The following KLHL15 variants were observed in gnomAD, a reference collection of about 807,000 sequenced individuals.
KLHL15 encodes kelch-like protein 15.
In KLHL15, 1 loss-of-function variant was observed where a neutral mutation model predicts 29.3. That is an observed-to-expected ratio of 0.03 (90% CI 0.01 to 0.16). The LOEUF (loss-of-function observed/expected upper bound fraction) is 0.16. Ranked by LOEUF, KLHL15 falls within the 10% of genes least tolerant of loss-of-function variation. KLHL15 has a pLI of 1.00. For missense variants in KLHL15, 215 were observed against 478.5 expected, an observed-to-expected ratio of 0.45 and a Z score of 5.14; for synonymous variants, 212 against 184.5, an observed-to-expected ratio of 1.15 and a Z score of -1.21.
At chrX:23,999,771 T>C (rs762365160) in intron 3 of KLHL15, among the ~76,000 whole-genome samples, 1 of 111,205 alleles carries the variant, frequency 9.0e-6, no homozygotes, top group African/African-American at 3.3e-5. Context: ...GAACCTGGAG[T>C]GAATGCGAGT....
chrX:24,024,834 G>T (rs1929887436), intron 2 of KLHL15, 23 bp downstream of exon 2: 1 of 296,366 alleles, frequency 3.4e-6, no homozygotes, highest in South Asian at 2.0e-4. Context: ...TCCGCAGGCC[G>T]GCGGCCAGGG....
chrX:24,004,268 A>G (rs1199773509), intron 3 of KLHL15, among the ~76,000 whole-genome samples: 1 of 111,186 alleles, frequency 9.0e-6, no homozygotes, highest in Non-Finnish European at 1.9e-5. Flanking sequence ...AGGCATGAGA[A>G]TTGCTGGAAC....
At chrX:24,021,479 A>C (rs1929802352) in intron 2 of KLHL15, among the ~76,000 whole-genome samples, 1 of 112,077 alleles carries the variant, frequency 8.9e-6, no homozygotes, top group African/African-American at 3.2e-5. Flanking sequence ...ATTAAATGGC[A>C]ATACAGGCTA....
intron 2 of KLHL15, among the ~76,000 whole-genome samples, chrX:24,022,060 C>G (rs187148555): frequency 6.3e-5 from 7 of 110,857 alleles, no homozygotes; most frequent in Non-Finnish European, 1.3e-4. Context: ...GGGCGATGGC[C>G]GGGCGCGGTG....
At chrX:24,026,880 C>T (rs540244848) in intron 1 of KLHL15, among the ~76,000 whole-genome samples, 3 of 112,191 alleles carry the variant, frequency 2.7e-5, no homozygotes, top group African/African-American at 9.7e-5. Context: ...TTTCCAATAG[C>T]TCCTTTAAGA....
At chrX:24,001,381 C>CATA (rs1385608029) in intron 3 of KLHL15, among the ~76,000 whole-genome samples, 5 of 111,575 alleles carry the variant, frequency 4.5e-5, no homozygotes, top group Non-Finnish European at 7.5e-5. Context: ...TTACCTTATG[C>CATA]ATATTTATAA....
intron 3 of KLHL15, among the ~76,000 whole-genome samples, chrX:23,997,996 C>G (rs1929229358): frequency 9.0e-6 from 1 of 110,641 alleles, no homozygotes; most frequent in Non-Finnish European, 1.9e-5. Flanking sequence ...GAGTCTCACT[C>G]TGTCACCCAG....
Position 23,988,081 on chromosome X carries a change from T to A in KLHL15, c.1655A>T (p.Tyr552Phe). The change falls in exon 4 of 4, where the codon TAT (tyrosine) becomes TTT (phenylalanine). Residue 552 changes from tyrosine (Y) to phenylalanine (F), a missense_variant. Tyr to Phe is a conservative substitution (Grantham distance 22). Transcript: ENST00000328046. ...GATGGAATCGCTGTAATGACCATTA[T>A]AACAAAGGCCTCCAAGAACCATTAT... ...KQIMVLGGLCYNGHYSDSILT... is the reference protein window; with the variant it reads ...KQIMVLGGLCFNGHYSDSILT... 1 of 1,211,625 alleles carries A rather than the reference T, an allele frequency of 8.3e-7. No individual in the cohort carries two copies. Among genetic ancestry groups the A allele is most frequent in the Non-Finnish European group, 1.1e-6 (1 of 895,355 alleles).
intron 2 of KLHL15, among the ~76,000 whole-genome samples, chrX:24,011,684 TC>T (rs1420891229): frequency 9.1e-6 from 1 of 110,233 alleles, no homozygotes; most frequent in Non-Finnish European, 1.9e-5. Flanking sequence ...ACATCTGTAG[TC>T]CTGGCTACTC....
chrX:23,991,995 A>T (rs2147097432), intron 3 of KLHL15, among the ~76,000 whole-genome samples: 1 of 112,287 alleles, frequency 8.9e-6, no homozygotes, highest in East Asian at 2.8e-4. Context: ...TACTCTGAAA[A>T]TCAGCAAGAA....
At chrX:24,023,573 A>G (rs968745031) in intron 2 of KLHL15, among the ~76,000 whole-genome samples, 2 of 112,204 alleles carry the variant, frequency 1.8e-5, no homozygotes, top group African/African-American at 6.5e-5. Context: ...ACCATACTAT[A>G]TTTTTGATAT....
In KLHL15 at chrX:24,006,253, G is replaced by A. The variant is rs779509830; in HGVS notation, c.441C>T (p.Ile147=). 7.8e-5 allele frequency: 94 copies of A among 1,209,572 alleles called. No homozygotes were observed. The highest frequency in any genetic ancestry group is 1.4e-4 in the South Asian group (8 of 56,797). Residue 147 remains isoleucine (I), a synonymous_variant, in exon 3 of 4, where the codon ATC becomes ATT. Transcript: ENST00000328046. The part of the protein sequence containing the change: ...MRLLDDFGVN[I]EGVREKLDTF... ...TGTCTAACTTCTCCCTGACTCCCTC[G>A]ATGTTTACGCCGAAATCATCTAAGA...
chrX:24,021,288 C>A (rs1929798673), intron 2 of KLHL15, among the ~76,000 whole-genome samples: 1 of 111,093 alleles, frequency 9.0e-6, no homozygotes, highest in Non-Finnish European at 1.9e-5. Flanking sequence ...TAAGGCCTCT[C>A]TACACCCTGT....
At chrX:24,011,438 G>A (rs1929573115) in intron 2 of KLHL15, among the ~76,000 whole-genome samples, 1 of 111,178 alleles carries the variant, frequency 9.0e-6, no homozygotes, top group South Asian at 3.8e-4. Context: ...GAAGTCAGGA[G>A]TTCCAGGCCA....
At chrX:23,997,068 CTGAACTTCAGAAG>C (rs1005031605) in intron 3 of KLHL15, among the ~76,000 whole-genome samples, 6 of 112,166 alleles carry the variant, frequency 5.3e-5, no homozygotes, top group Middle Eastern at 4.2e-3. Flanking sequence ...CAAAAATGAA[CTGAACTTCAGAAG>C]TGAACTTCAG....
intron 3 of KLHL15, among the ~76,000 whole-genome samples, chrX:23,995,628 A>G (rs1929172316): frequency 9.0e-6 from 1 of 111,268 alleles, no homozygotes; most frequent in Middle Eastern, 4.6e-3. Context: ...TCTGAATACC[A>G]TGTGGCCAGG....
intron 3 of KLHL15, among the ~76,000 whole-genome samples, chrX:23,999,349 A>G (rs1427776831): frequency 9.2e-6 from 1 of 108,123 alleles, no homozygotes; most frequent in Non-Finnish European, 1.9e-5. Flanking sequence ...TAATCCCAGC[A>G]CTTTGGGAGG....
rs1191733201 is a variant in KLHL15 at position 24,006,571 on chromosome X, C to T, written c.123G>A (p.Gln41=). 1 of 1,210,948 alleles carries T rather than the reference C, an allele frequency of 8.3e-7. No homozygotes were observed. The highest frequency in any genetic ancestry group is 2.2e-5 in the Admixed American group (1 of 45,921). Residue 41 remains glutamine (Q), a synonymous_variant, in exon 3 of 4, where the codon CAG becomes CAA. Transcript: ENST00000328046. ...LDVTLVIEDH[Q]FQAHKALLAT... ...CCAAGAGTGCTTTATGGGCCTGGAA[C>T]TGATGATCTTCAATAACCAGAGTGA...
chrX:23,992,744 C>T (rs183716099), intron 3 of KLHL15, among the ~76,000 whole-genome samples: 2 of 112,233 alleles, frequency 1.8e-5, no homozygotes, highest in African/African-American at 3.2e-5. Flanking sequence ...AAAAGGGGAA[C>T]GTATCTAAAT....
Sources: allele counts gnomAD v4.1 joint callset (sites outside exome capture counted in the v4.1 genomes callset), GRCh38; gene constraint gnomAD v4.1.1; transcripts MANE v1.5; gene names NCBI Gene and HGNC (gene_info 2026-07-23, HGNC 2026-07-21).